Variants in KCNG2 observed in about 807,000 individuals in gnomAD.
KCNG2 encodes voltage-gated potassium channel regulatory subunit KCNG2.
In KCNG2, 7 loss-of-function variants were observed where a neutral mutation model predicts 12.3. That is an observed-to-expected ratio of 0.57 (90% CI 0.32 to 1.07). KCNG2 has a LOEUF of 1.07. Among genes scored for constraint, KCNG2 ranks in the 50% least tolerant of loss-of-function variants. The pLI is 0.04. For missense variants in KCNG2, 703 were observed against 726.0 expected (o/e 0.97, Z 0.36); for synonymous variants, 414 against 351.4 (o/e 1.18, Z -1.99).
chr18:79,865,776 T>TCA, intron 3 of KCNG2, among the ~76,000 whole-genome samples: 1 of 122,450 alleles, frequency 8.2e-6, no homozygotes, highest in Non-Finnish European at 1.8e-5. Flanking sequence ...GTCTGTGTGC[T>TCA]GAGAAGTCTG....
intron 2 of KCNG2, among the ~76,000 whole-genome samples, chr18:79,861,801 A>AAG (rs1979231172): frequency 6.6e-6 from 1 of 152,140 alleles, no homozygotes; most frequent in African/African-American, 2.4e-5. Context: ...CAGGTCTCTT[A>AAG]GGCTCTGTTC....
At position 79,899,197 on chromosome 18, in the gene KCNG2, C is replaced by T. The variant is rs762914439; in HGVS notation, c.782C>T (p.Pro261Leu). The T allele has an allele frequency of 2.5e-5, 40 of 1,604,046 alleles. No homozygotes were observed. The highest frequency in any genetic ancestry group is 6.7e-5 in the East Asian group (3 of 44,822). ...ATCATTGACATCCTGGCGCTCCTGCCGTTCTACGTGTCGCTGCTGCTGGGG... is the reference window on the plus strand; with the variant it reads ...ATCATTGACATCCTGGCGCTCCTGCTGTTCTACGTGTCGCTGCTGCTGGGG... Reference protein sequence around the residue: ...LNIIDILALLPFYVSLLLGLA... With the variant: ...LNIIDILALLLFYVSLLLGLA... Residue 261 changes from proline to leucine, a missense_variant, in exon 4 of 4, where the codon CCG becomes CTG. Transcript: ENST00000316249.
At chr18:79,839,166 G>A (rs551883026) in intron 1 of KCNG2, among the ~76,000 whole-genome samples, 27 of 152,202 alleles carry the variant, frequency 1.8e-4, no homozygotes, top group African/African-American at 5.3e-4. Context: ...ATATGTGGGC[G>A]CATGCCTGTC....
Position 79,899,899 on chromosome 18 carries a change from C to T in KCNG2, c.*83C>T, listed in dbSNP as rs1347790110. The T allele has an allele frequency of 3.3e-6, 4 of 1,223,562 alleles. No homozygotes were observed. Among genetic ancestry groups the T allele is most frequent in the Middle Eastern group, 3.1e-4 (1 of 3,238 alleles). 75.8% of individuals were successfully genotyped at this position (1,223,562 alleles called of 1,614,324 possible). A position where few individuals can be genotyped will look rare whatever the true frequency, so the allele number is the denominator to read the frequency against. On this transcript the variant is annotated 3_prime_UTR_variant, in exon 4 of 4. Transcript: ENST00000316249. ...CCGAGGTGCGCCAAGGGGTGGGGGG[C>T]GTCTGGCCTGGGGGAGCGGCTCCTG...
intron 1 of KCNG2, among the ~76,000 whole-genome samples, chr18:79,834,316 T>C (rs1978312187): frequency 6.6e-6 from 1 of 152,316 alleles, no homozygotes; most frequent in Non-Finnish European, 1.5e-5. Flanking sequence ...TGTTTTACAA[T>C]AGGTTGCAGC....
intron 1 of KCNG2, among the ~76,000 whole-genome samples, chr18:79,845,457 C>T (rs1978592244): frequency 6.6e-6 from 1 of 152,180 alleles, no homozygotes; most frequent in Non-Finnish European, 1.5e-5. Context: ...CTTACAACTG[C>T]ATGTGAATCT....
chr18:79,877,202 CAT>C (rs1980108879), intron 3 of KCNG2, among the ~76,000 whole-genome samples: 2 of 152,224 alleles, frequency 1.3e-5, no homozygotes, highest in Admixed American at 6.5e-5. Flanking sequence ...GTTATGAATT[CAT>C]AGTTAGTAAA....
chr18:79,873,319 C>T (rs1979926386), intron 3 of KCNG2, among the ~76,000 whole-genome samples: 1 of 152,082 alleles, frequency 6.6e-6, no homozygotes, highest in Non-Finnish European at 1.5e-5. Flanking sequence ...GTTCTGTGCC[C>T]TGCAGGGGTC....
At chr18:79,811,564 A>G (rs1016538835) in intron 1 of KCNG2, among the ~76,000 whole-genome samples, 4 of 152,234 alleles carry the variant, frequency 2.6e-5, no homozygotes, top group African/African-American at 9.7e-5. Context: ...CAATAAAAAA[A>G]AGTCACTCAC....
At chr18:79,879,003 G>A (rs562446074) in intron 3 of KCNG2, among the ~76,000 whole-genome samples, 17 of 152,346 alleles carry the variant, frequency 1.1e-4, no homozygotes, top group Middle Eastern at 3.4e-3. Flanking sequence ...TGCCTCCCCC[G>A]TCTTTGTACC....
intron 3 of KCNG2, among the ~76,000 whole-genome samples, chr18:79,867,038 G>A (rs1418524731): frequency 4.1e-5 from 6 of 144,662 alleles, no homozygotes; most frequent in African/African-American, 1.6e-4. Context: ...TCTGGGTGCC[G>A]AGGTCTGGGT....
At chr18:79,896,599 T>C (rs890888472) in intron 3 of KCNG2, among the ~76,000 whole-genome samples, 2 of 152,240 alleles carry the variant, frequency 1.3e-5, no homozygotes, top group African/African-American at 4.8e-5. Flanking sequence ...ATACATCTTA[T>C]TTTTATACAG....
At chr18:79,877,516 C>T (rs1049844289) in intron 3 of KCNG2, among the ~76,000 whole-genome samples, 5 of 152,186 alleles carry the variant, frequency 3.3e-5, no homozygotes, top group African/African-American at 1.2e-4. Flanking sequence ...GCTGAGCCCT[C>T]CCTCGCCGTT....
intron 3 of KCNG2, among the ~76,000 whole-genome samples, chr18:79,893,093 T>C (rs2123128671): frequency 6.6e-6 from 1 of 151,818 alleles, no homozygotes; most frequent in South Asian, 2.1e-4. Flanking sequence ...ACATCTAATA[T>C]TATGATTCAT....
In KCNG2 at chr18:79,865,004, G is replaced by T. The variant is rs779777154; in HGVS notation, c.624+713G>T. On this transcript the variant is annotated intron_variant, in intron 3 of 3. Transcript: ENST00000316249. ...AGAGGTCTGTGTGCTGAGAGGTCTG[G>T]GTGCTGAGGTCTCGGTGCCGAGGTC... Among the ~76,000 whole-genome samples, 343 of 70,244 alleles carry T rather than the reference G, an allele frequency of 4.9e-3. 7 individuals are homozygous for T. Among genetic ancestry groups the T allele is most frequent in the Admixed American group, 0.037 (208 of 5,690 alleles). 46.1% of individuals were successfully genotyped at this position (70,244 alleles called of 152,430 possible).
At chr18:79,845,788 A>G (rs1281751727) in intron 1 of KCNG2, among the ~76,000 whole-genome samples, 1 of 152,250 alleles carries the variant, frequency 6.6e-6, no homozygotes, top group East Asian at 1.9e-4. Context: ...GAACTTTGGC[A>G]TATAGAAAAT....
chr18:79,798,924 C>G (rs899736497), intron 1 of KCNG2, among the ~76,000 whole-genome samples: 3 of 152,174 alleles, frequency 2.0e-5, no homozygotes, highest in Admixed American at 6.5e-5. Flanking sequence ...ACCGGTGGAG[C>G]CCCCGCCCGC....
At chr18:79,854,701 A>G (rs563168016) in intron 1 of KCNG2, among the ~76,000 whole-genome samples, 2 of 151,922 alleles carry the variant, frequency 1.3e-5, no homozygotes, top group African/African-American at 2.4e-5. Context: ...AATTTTTTGT[A>G]TTTTTAGTAG....
intron 2 of KCNG2, among the ~76,000 whole-genome samples, chr18:79,861,823 C>T (rs897839651): frequency 6.6e-6 from 1 of 152,190 alleles, no homozygotes; most frequent in Non-Finnish European, 1.5e-5. Flanking sequence ...GTTTTCTTCA[C>T]TTGTTTTCTT....
Sources: allele counts gnomAD v4.1 joint callset (sites outside exome capture counted in the v4.1 genomes callset), GRCh38; gene constraint gnomAD v4.1.1; transcripts MANE v1.5; gene names NCBI Gene and HGNC (gene_info 2026-07-23, HGNC 2026-07-21).